CRACD: variants seen among roughly 807,000 people sequenced by gnomAD.
CRACD encodes the protein capping protein-inhibiting regulator of actin dynamics.
A neutral mutation model predicts 106.8 loss-of-function variants in CRACD; 56 were observed. The observed-to-expected ratio is 0.52, with a 90% CI of 0.42 to 0.66. CRACD has a LOEUF of 0.66. CRACD is among the 30% of genes least tolerant of loss of function. The pLI, the probability that CRACD is intolerant of heterozygous loss-of-function variation, is 0.00. For synonymous variants in CRACD, 754 were observed against 670.8 expected, an observed-to-expected ratio of 1.12 and a Z score of -1.92; for missense variants, 1,730 against 1,623.2, an observed-to-expected ratio of 1.07 and a Z score of -1.13.
chr4:56,119,144 A>G (rs1577675126), intron 1 of CRACD, among the ~76,000 whole-genome samples: 2 of 152,120 alleles, frequency 1.3e-5, no homozygotes, highest in East Asian at 3.9e-4. Context: ...GCATCATCTC[A>G]TATAATTCTC....
In CRACD at chr4:56,267,159, C is replaced by T. The variant is rs370739010; in HGVS notation, c.-188-5162C>T. On this transcript the variant is annotated intron_variant, in intron 2 of 10. Coordinates refer to ENST00000682029, the MANE Select transcript of CRACD (RefSeq NM_001393381.1). ...TTTTTGAGACGGAGTCTCGCACTGT[C>T]GCTCGGGCTGGATTGCAGTGGTGCG... Among the ~76,000 whole-genome samples the T allele has an allele frequency of 3.7e-4, 56 of 149,868 alleles. No homozygotes were observed. The East Asian group carries it at 7.8e-3, about 21-fold the overall frequency.
At position 56,315,913 on chromosome 4, in the gene CRACD, C is replaced by T. The variant is rs769511654; in HGVS notation, c.2411C>T (p.Pro804Leu). 6.2e-7 allele frequency: 1 copy of T among 1,614,214 alleles called. No homozygotes were observed. The highest frequency in any genetic ancestry group is 8.5e-7 in the Non-Finnish European group (1 of 1,180,046). ...DLPSFLVPSL[P>L]YPPQKVVAHT... Reference sequence around the variant, plus strand: ...CCGTCTTTCCTTGTCCCAAGCCTTCCTTACCCTCCGCAGAAAGTGGTGGCC... The same window carrying T: ...CCGTCTTTCCTTGTCCCAAGCCTTCTTTACCCTCCGCAGAAAGTGGTGGCC... The change falls in exon 8 of 11, where the codon CCT becomes CTT. Residue 804 changes from proline to leucine, a missense_variant. Coordinates refer to ENST00000682029, the MANE Select transcript of CRACD (RefSeq NM_001393381.1). This position sits in a 1 kb window ranked among gnomAD's most constrained non-coding sequence, Gnocchi z 4.1.
intron 2 of CRACD, among the ~76,000 whole-genome samples, chr4:56,214,681 C>CTCTCTCTCTATATATATATATATATA: frequency 4.9e-5 from 4 of 80,990 alleles, no homozygotes; most frequent in East Asian, 3.7e-4. Flanking sequence ...CTCTCTCTCT[C>CTCTCTCTCTATATATATATATATATA]TATATATATA....
chr4:56,283,647 C>T (rs917014394), intron 3 of CRACD, among the ~76,000 whole-genome samples: 1 of 152,180 alleles, frequency 6.6e-6, no homozygotes, highest in Non-Finnish European at 1.5e-5. Context: ...GTTACTGGCT[C>T]ACTGTGCGGC....
At chr4:56,289,932 G>A (rs990653894) in intron 3 of CRACD, among the ~76,000 whole-genome samples, 30 of 152,154 alleles carry the variant, frequency 2.0e-4, no homozygotes, top group African/African-American at 6.5e-4. Flanking sequence ...TCACTTTGCT[G>A]GGCCTCAGCT....
chr4:56,076,268 C>T (rs925277694), intron 1 of CRACD, among the ~76,000 whole-genome samples: 3 of 152,158 alleles, frequency 2.0e-5, no homozygotes, highest in Non-Finnish European at 4.4e-5. Flanking sequence ...CAGACTGTGG[C>T]CTCCAGAATT....
At chr4:56,126,214 G>T (rs145990481) in intron 1 of CRACD, among the ~76,000 whole-genome samples, 2 of 151,984 alleles carry the variant, frequency 1.3e-5, no homozygotes, top group Admixed American at 1.3e-4. Context: ...AGGCTACCTC[G>T]TATCTTTCCT....
chr4:56,280,470 T>C (rs1742973640), intron 3 of CRACD, among the ~76,000 whole-genome samples: 1 of 152,152 alleles, frequency 6.6e-6, no homozygotes, highest in African/African-American at 2.4e-5. Context: ...AGAGCAAGCT[T>C]TCTTTGATTC....
At chr4:56,168,113 T>C (rs1347904081) in intron 1 of CRACD, among the ~76,000 whole-genome samples, 1 of 152,170 alleles carries the variant, frequency 6.6e-6, no homozygotes, top group African/African-American at 2.4e-5. Context: ...TAAAGAGAAG[T>C]AGAGAGTATA....
intron 3 of CRACD, among the ~76,000 whole-genome samples, 155 bp downstream of exon 3, chr4:56,272,647 T>C (rs528110063): frequency 6.8e-4 from 103 of 152,038 alleles, no homozygotes; most frequent in African/African-American, 2.1e-3. Flanking sequence ...TCCCAACGCT[T>C]TGGGAGGCCG....
At chr4:56,236,426 G>A (rs565352748) in intron 2 of CRACD, among the ~76,000 whole-genome samples, 3 of 152,262 alleles carry the variant, frequency 2.0e-5, no homozygotes, top group Admixed American at 2.0e-4. Context: ...CTTTATTGTG[G>A]CAGCCTGAGC....
At chr4:56,207,936 C>A (rs1302491410) in intron 2 of CRACD, among the ~76,000 whole-genome samples, 1 of 151,184 alleles carries the variant, frequency 6.6e-6, no homozygotes, top group Non-Finnish European at 1.5e-5. Flanking sequence ...ATCCTCCTGC[C>A]TCAGTCTCCC....
intron 2 of CRACD, among the ~76,000 whole-genome samples, chr4:56,265,876 A>T (rs1741994866): frequency 6.6e-6 from 1 of 152,306 alleles, no homozygotes; most frequent in Middle Eastern, 3.4e-3. Context: ...TGCTTTTATT[A>T]TTGTAGGTTT....
intron 2 of CRACD, among the ~76,000 whole-genome samples, chr4:56,196,684 A>G (rs1046137402): frequency 2.0e-5 from 3 of 152,320 alleles, no homozygotes; most frequent in African/African-American, 2.4e-5. Flanking sequence ...TGTCTTTACT[A>G]TAATTCTATC....
intron 3 of CRACD, among the ~76,000 whole-genome samples, chr4:56,290,807 C>T (rs1053775508): frequency 2.0e-5 from 3 of 152,156 alleles, no homozygotes; most frequent in South Asian, 4.1e-4. Flanking sequence ...TTGGGACCTC[C>T]AATCCAAAGG....
chr4:56,101,397 C>T (rs190658866), intron 1 of CRACD, among the ~76,000 whole-genome samples: 1 of 152,256 alleles, frequency 6.6e-6, no homozygotes, highest in African/African-American at 2.4e-5. Flanking sequence ...ATTTCTCTCC[C>T]TTCCCCTAGA....
chr4:56,318,186 A>G (rs1055052059), intron 8 of CRACD, among the ~76,000 whole-genome samples: 1 of 152,132 alleles, frequency 6.6e-6, no homozygotes, highest in Non-Finnish European at 1.5e-5. Flanking sequence ...ATCTAGAGAC[A>G]GGGTCTTGCT....
At chr4:56,285,062 A>G (rs981606299) in intron 3 of CRACD, among the ~76,000 whole-genome samples, 2 of 152,204 alleles carry the variant, frequency 1.3e-5, no homozygotes, top group Non-Finnish European at 1.5e-5. Flanking sequence ...ACTTACAGTC[A>G]TGGTGGAAGG....
At position 56,091,105 on chromosome 4, in the gene CRACD, C is replaced by T. The variant is rs925986887; in HGVS notation, c.-336+41806C>T. On this transcript the variant is annotated intron_variant, in intron 1 of 10. Transcript: ENST00000682029. ...TCTATCTCTGTTGCCCAGGGTGGGG[C>T]GCAGTATTGCAATCCGGGCTCACTG... 5.3e-5 allele frequency among the ~76,000 whole-genome samples: 8 copies of T among 151,914 alleles called. No homozygotes were observed. In the South Asian group the frequency reaches 6.3e-4, roughly 12 times the overall value.
Sources: gnomAD v4.1 joint callset for allele counts (sites outside exome capture counted in the v4.1 genomes callset) on GRCh38, gnomAD v4.1.1 for gene constraint, Gnocchi (gnomAD v3.1) non-coding constraint, MANE v1.5 for transcripts, NCBI Gene and HGNC (gene_info 2026-07-23, HGNC 2026-07-21) for gene names.